The following VPS13C variants were observed in gnomAD, a reference collection of about 807,000 sequenced individuals.
The protein encoded by VPS13C is vacuolar protein sorting 13 homolog C.
A neutral mutation model predicts 456.8 loss-of-function variants in VPS13C; 358 were observed. The ratio of observed to expected loss-of-function variants is 0.78; its 90% CI spans 0.72 to 0.86. The LOEUF is 0.86. VPS13C is among the 40% of genes least tolerant of loss of function. The probability of loss-of-function intolerance (pLI) is 0.00; values close to 1 mark genes in which losing one functional copy is unlikely to be tolerated. For missense variants in VPS13C, 4,818 were observed against 4,385.4 expected (o/e 1.10, Z -2.79); for synonymous variants, 1,578 against 1,486.7 (o/e 1.06, Z -1.41).
At chr15:61,914,878 TAAAAAAAAAAAAAA>T (rs60910951) in intron 61 of VPS13C, among the ~76,000 whole-genome samples, 10 of 102,050 alleles carry the variant, frequency 9.8e-5, no homozygotes, top group Admixed American at 3.4e-4. Context: ...AACTCTGCCT[TAAAAAAAAAAAAAA>T]AAAAAAAAAA....
chr15:61,877,772 T>C (rs1448366387), intron 74 of VPS13C, among the ~76,000 whole-genome samples: 1 of 151,940 alleles, frequency 6.6e-6, no homozygotes, highest in African/African-American at 2.4e-5. Flanking sequence ...TCGCTCATAT[T>C]TTAAAATCTT....
At chr15:62,000,474 C>G in intron 16 of VPS13C, 90 bp downstream of exon 16, 1 of 1,245,500 alleles carries the variant, frequency 8.0e-7, no homozygotes, top group South Asian at 1.5e-5. Context: ...ATAAAAACCT[C>G]ACCTCGTGAA....
intron 15 of VPS13C, among the ~76,000 whole-genome samples, chr15:62,006,850 G>A (rs941718500): frequency 2.6e-5 from 4 of 152,094 alleles, no homozygotes; most frequent in Admixed American, 2.6e-4. Context: ...TTTCTCTGAT[G>A]GCCAGTGATG....
chr15:62,058,043 C>T (rs190649494), intron 1 of VPS13C, among the ~76,000 whole-genome samples: 2 of 152,102 alleles, frequency 1.3e-5, no homozygotes, highest in African/African-American at 4.8e-5. Flanking sequence ...TGAGTAATTA[C>T]ATGAAAGTAT....
At chr15:61,964,188 T>G (rs1039932169) in intron 31 of VPS13C, among the ~76,000 whole-genome samples, 1 of 152,028 alleles carries the variant, frequency 6.6e-6, no homozygotes, top group African/African-American at 2.4e-5. Context: ...AATAAATAAA[T>G]AAGGACACTG....
At position 61,882,657 on chromosome 15, in the gene VPS13C, T is replaced by A; in HGVS notation, c.9563A>T (p.Gln3188Leu). The A allele has an allele frequency of 6.2e-7, 1 of 1,602,272 alleles. No individual in the cohort carries two copies. The highest frequency in any genetic ancestry group is 1.3e-5 in the African/African-American group (1 of 74,608). The change falls in exon 69 of 85, where the codon CAG becomes CTG. Residue 3188 changes from glutamine (Q) to leucine (L), a missense_variant. Physicochemically the swap from Gln to Leu is moderately radical, Grantham distance 113. This residue lies in a region of VPS13C where 4,552 missense variants were observed against 4,130.6 expected (regional missense o/e 1.10). Transcript: ENST00000644861. ...PIKRDFLSGI[Q>L]IEFKQSSHQR... The stretch of plus-strand genomic sequence containing the variant: ...GTGAGAAGACTGCTTAAATTCAATC[T>A]GAATTCCTGATAAAAAGTCTCGTTT...
intron 35 of VPS13C, 117 bp downstream of exon 35, chr15:61,961,472 T>C: frequency 4.1e-6 from 4 of 972,832 alleles, no homozygotes; most frequent in Non-Finnish European, 5.8e-6. Flanking sequence ...AAAAAACTGT[T>C]CCGTGTAATG....
chr15:61,882,812 T>C, intron 68 of VPS13C, 76 bp from the exon 69 acceptor site: 2 of 1,402,248 alleles, frequency 1.4e-6, no homozygotes, highest in East Asian at 5.0e-5. Flanking sequence ...ATCTGTTTAT[T>C]GATCAAATTG....
chr15:62,049,818 A>G (rs377138323), intron 1 of VPS13C, among the ~76,000 whole-genome samples: 7 of 152,230 alleles, frequency 4.6e-5, no homozygotes, highest in Non-Finnish European at 7.4e-5. Flanking sequence ...GGTCCTTCAC[A>G]TCCCTTGTAA....
At chr15:62,031,804 C>G (rs934390618) in intron 5 of VPS13C, among the ~76,000 whole-genome samples, 3 of 151,820 alleles carry the variant, frequency 2.0e-5, no homozygotes, top group Non-Finnish European at 2.9e-5. Flanking sequence ...CTTTGTCAGA[C>G]CCAAATGTCT....
At chr15:61,934,571 AT>A (rs891677362) in intron 48 of VPS13C, among the ~76,000 whole-genome samples, 33 of 151,598 alleles carry the variant, frequency 2.2e-4, no homozygotes, top group Non-Finnish European at 3.8e-4. Flanking sequence ...ATGTTAAAAA[AT>A]TTTTTTTTAA....
Position 62,019,925 on chromosome 15 carries a change from T to C in VPS13C, c.684+554A>G, listed in dbSNP as rs534370134. On this transcript the variant is annotated intron_variant, in intron 9 of 84. Transcript: ENST00000644861. ...ATGTTTCCTACCACTTAGTTGCCTGTAATAGAAATAAAAATGTCCAGCCTA... is the reference window on the plus strand; with the variant it reads ...ATGTTTCCTACCACTTAGTTGCCTGCAATAGAAATAAAAATGTCCAGCCTA... Among the ~76,000 whole-genome samples, 12 of 151,324 alleles carry C rather than the reference T, an allele frequency of 7.9e-5. No homozygotes were observed. The South Asian group carries it at 2.5e-3, about 31-fold the overall frequency.
intron 50 of VPS13C, among the ~76,000 whole-genome samples, chr15:61,930,578 A>G (rs1302192367): frequency 6.6e-6 from 1 of 152,238 alleles, no homozygotes; most frequent in East Asian, 1.9e-4. Flanking sequence ...GGCTATTGAA[A>G]ATTACATATT....
intron 6 of VPS13C, among the ~76,000 whole-genome samples, chr15:62,024,883 C>T (rs1467565344): frequency 6.6e-6 from 1 of 152,064 alleles, no homozygotes; most frequent in Non-Finnish European, 1.5e-5. Flanking sequence ...ACTTCCGTCA[C>T]CCTCCCGGAA....
At chr15:62,005,562 G>A (rs1310420854) in intron 15 of VPS13C, among the ~76,000 whole-genome samples, 2 of 150,620 alleles carry the variant, frequency 1.3e-5, no homozygotes, top group Admixed American at 6.6e-5. Flanking sequence ...CTGTCATTAC[G>A]ATGTTAGCTG....
chr15:61,958,481 T>C, intron 37 of VPS13C, 127 bp downstream of exon 37: 1 of 588,850 alleles, frequency 1.7e-6, no homozygotes, highest in Admixed American at 3.4e-5. Context: ...GCATCTTGTT[T>C]GTTTACTCGG....
In VPS13C at chr15:61,936,686, G is replaced by C. The variant is rs1395376422; in HGVS notation, c.5666C>G (p.Ala1889Gly). 1 of 1,612,546 alleles carries C rather than the reference G, an allele frequency of 6.2e-7. No homozygotes were observed. The highest frequency in any genetic ancestry group is 1.7e-5 in the Admixed American group (1 of 59,866). Residue 1889 changes from alanine (A) to glycine (G), a missense_variant, in exon 48 of 85, where the codon GCT becomes GGT. Physicochemically the swap from Ala to Gly is moderately conservative, Grantham distance 60. Coordinates refer to ENST00000644861, the MANE Select transcript of VPS13C (RefSeq NM_020821.3). ...CTGTGTAGGGCTTGGTTGTGAGGAA[G>C]CTTCTCCAAGATTTTCTAGCAAAAT... ...MKILLENLGE[A>G]SSQPSPTQSV...
intron 48 of VPS13C, among the ~76,000 whole-genome samples, chr15:61,936,207 C>T (rs1235322638): frequency 3.9e-5 from 6 of 152,232 alleles, no homozygotes; most frequent in Admixed American, 3.3e-4. Context: ...AAAGCTGTTA[C>T]AAGAATACCT....
chr15:62,054,192 G>C (rs145746479), intron 1 of VPS13C, among the ~76,000 whole-genome samples: 1 of 152,020 alleles, frequency 6.6e-6, no homozygotes, highest in Non-Finnish European at 1.5e-5. Context: ...AATAGCTAAG[G>C]GCTGTGAAAT....
Sources: allele counts gnomAD v4.1 joint callset (sites outside exome capture counted in the v4.1 genomes callset), GRCh38; gene constraint gnomAD v4.1.1; regional missense constraint gnomAD v4.1.1; transcripts MANE v1.5; gene names NCBI Gene and HGNC (gene_info 2026-07-23, HGNC 2026-07-21).